Variants in FOXP1 observed in about 807,000 individuals in gnomAD.
FOXP1 encodes forkhead box P1.
FOXP1 carries 15 observed loss-of-function variants against 98.2 expected under a neutral mutation model. That is an observed-to-expected ratio of 0.15 (90% CI 0.10 to 0.24). The LOEUF (loss-of-function observed/expected upper bound fraction) is 0.24. Ranked by LOEUF, FOXP1 falls within the 10% of genes least tolerant of loss-of-function variation. The pLI, the probability that FOXP1 is intolerant of heterozygous loss-of-function variation, is 1.00. For missense variants in FOXP1, 633 were observed against 848.5 expected, an observed-to-expected ratio of 0.75 and a Z score of 3.15; for synonymous variants, 371 against 314.5, an observed-to-expected ratio of 1.18 and a Z score of -1.90.
At chr3:71,152,134 G>A (rs1290768154) in intron 6 of FOXP1, among the ~76,000 whole-genome samples, 1 of 152,188 alleles carries the variant, frequency 6.6e-6, no homozygotes, top group Non-Finnish European at 1.5e-5. Flanking sequence ...CCTGAAGACA[G>A]AGATTCTTTG....
At chr3:71,175,130 T>C (rs1576208018) in intron 6 of FOXP1, among the ~76,000 whole-genome samples, 1 of 152,140 alleles carries the variant, frequency 6.6e-6, no homozygotes, top group Non-Finnish European at 1.5e-5. Context: ...GCCAGGCTGG[T>C]CTCGAACTCC....
intron 2 of FOXP1, chr3:71,573,701 C>A (rs1278190005): frequency 6.6e-6 from 1 of 152,108 alleles, no homozygotes; most frequent in Non-Finnish European, 1.5e-5. Context: ...TCTAATAGAC[C>A]ATTTTCTCCA....
chr3:71,532,916 C>G (rs1045440200), intron 2 of FOXP1, among the ~76,000 whole-genome samples: 1 of 152,158 alleles, frequency 6.6e-6, no homozygotes, highest in African/African-American at 2.4e-5. Context: ...CTGAGGTATA[C>G]ACACTTCATC....
At chr3:71,122,057 G>T (rs1439750622) in intron 6 of FOXP1, among the ~76,000 whole-genome samples, 3 of 152,170 alleles carry the variant, frequency 2.0e-5, no homozygotes, top group African/African-American at 7.2e-5. Flanking sequence ...TTTGAAGCTT[G>T]TGGAAGAATC....
intron 14 of FOXP1, among the ~76,000 whole-genome samples, chr3:70,986,115 A>T (rs982608116): frequency 1.3e-5 from 2 of 151,620 alleles, no homozygotes; most frequent in African/African-American, 4.8e-5. Context: ...AAAGTAAAAC[A>T]TTTTTTTTTA....
At chr3:71,228,022 G>C (rs1380945044) in intron 5 of FOXP1, among the ~76,000 whole-genome samples, 1 of 133,056 alleles carries the variant, frequency 7.5e-6, no homozygotes, top group Non-Finnish European at 1.6e-5. Flanking sequence ...GGGGCGGGTG[G>C]GGGGCGGGGG....
intron 7 of FOXP1, among the ~76,000 whole-genome samples, chr3:71,086,950 C>T (rs2055171968): frequency 6.6e-6 from 1 of 152,140 alleles, no homozygotes; most frequent in African/African-American, 2.4e-5. Context: ...GCACCAGGCA[C>T]CCTACCCAAA....
chr3:71,499,724 A>G (rs1188825741), intron 2 of FOXP1, among the ~76,000 whole-genome samples: 1 of 152,182 alleles, frequency 6.6e-6, no homozygotes, highest in Admixed American at 6.5e-5. Flanking sequence ...CTTTGTTGCA[A>G]ATGGCACCAA....
intron 4 of FOXP1, chr3:71,332,313 GCCAGCGAGA>G (rs2076380805): frequency 6.4e-6 from 1 of 155,874 alleles, no homozygotes; most frequent in East Asian, 1.9e-4. Context: ...TCACGCCTGA[GCCAGCGAGA>G]CCACGAACCC....
chr3:71,031,287 G>A (rs1285996912), intron 11 of FOXP1, among the ~76,000 whole-genome samples: 2 of 152,172 alleles, frequency 1.3e-5, no homozygotes, highest in Non-Finnish European at 2.9e-5. Flanking sequence ...TGATTTCCTT[G>A]AAGACTATAA....
chr3:70,964,248 A>G lies in FOXP1; in HGVS notation c.1889+1642T>C, dbSNP rs183343053. ...TGAAACCTTCATTTCATCAAAAATT[A>G]CAAAGACTATTGTAAAACATGGTTT... On this transcript the variant is annotated intron_variant, in intron 20 of 20. Transcript: ENST00000649528. Among the ~76,000 whole-genome samples the G allele has an allele frequency of 2.6e-5, 4 of 152,370 alleles. No homozygotes were observed. In the East Asian group the frequency reaches 7.7e-4, roughly 29 times the overall value.
chr3:71,281,303 C>T (rs1009123980), intron 5 of FOXP1, among the ~76,000 whole-genome samples: 2 of 152,116 alleles, frequency 1.3e-5, no homozygotes, highest in Admixed American at 6.5e-5. Context: ...GTCGCTATCA[C>T]CAACCATGTG....
At chr3:71,491,287 A>G (rs2091042499) in intron 3 of FOXP1, among the ~76,000 whole-genome samples, 1 of 152,196 alleles carries the variant, frequency 6.6e-6, no homozygotes, top group African/African-American at 2.4e-5. Context: ...AAGTGCTGTG[A>G]TGACAGGCGT....
intron 6 of FOXP1, among the ~76,000 whole-genome samples, chr3:71,147,691 A>T (rs2060376048): frequency 6.6e-6 from 1 of 152,204 alleles, no homozygotes; most frequent in Admixed American, 6.5e-5. Flanking sequence ...TGTCTACAAC[A>T]ATGGCTAAAT....
chr3:71,142,335 G>A (rs1018708302), intron 6 of FOXP1, among the ~76,000 whole-genome samples: 1 of 152,074 alleles, frequency 6.6e-6, no homozygotes, highest in African/African-American at 2.4e-5. Flanking sequence ...AGAGTCAATC[G>A]TGCACTAATC....
At chr3:71,362,596 A>G (rs1002341572) in intron 3 of FOXP1, among the ~76,000 whole-genome samples, 3 of 152,136 alleles carry the variant, frequency 2.0e-5, no homozygotes, top group African/African-American at 7.2e-5. Flanking sequence ...CAGCCTCCCA[A>G]GTAGCTGAGA....
intron 4 of FOXP1, among the ~76,000 whole-genome samples, chr3:71,306,917 T>C (rs572817799): frequency 2.3e-4 from 35 of 152,296 alleles, no homozygotes; most frequent in Middle Eastern, 3.4e-3. Flanking sequence ...AATTTGTCCT[T>C]ACAACCCAGG....
intron 12 of FOXP1, among the ~76,000 whole-genome samples, chr3:71,014,610 A>G (rs895374890): frequency 1.1e-4 from 17 of 152,192 alleles, no homozygotes; most frequent in Non-Finnish European, 2.1e-4. Context: ...TAAAACTAGA[A>G]ATACCATTTG....
chr3:71,548,057 T>G (rs2045499715), intron 2 of FOXP1, among the ~76,000 whole-genome samples: 1 of 152,192 alleles, frequency 6.6e-6, no homozygotes, highest in Non-Finnish European at 1.5e-5. Context: ...GCAGTTCCTC[T>G]TTGGCTGGGG....
Sources: allele counts gnomAD v4.1 joint callset (sites outside exome capture counted in the v4.1 genomes callset), GRCh38; gene constraint gnomAD v4.1.1; transcripts MANE v1.5; gene names NCBI Gene and HGNC (gene_info 2026-07-23, HGNC 2026-07-21).